SDK1: variants seen among roughly 807,000 people sequenced by gnomAD.
The protein encoded by SDK1 is protein sidekick-1.
A neutral mutation model predicts 245.5 loss-of-function variants in SDK1; 157 were observed. The ratio of observed to expected loss-of-function variants is 0.64; its 90% CI spans 0.56 to 0.73. The LOEUF (loss-of-function observed/expected upper bound fraction) is 0.73. Ranked by LOEUF, SDK1 falls within the 30% of genes least tolerant of loss-of-function variation. The pLI, the probability that SDK1 is intolerant of heterozygous loss-of-function variation, is 0.00. For missense variants in SDK1, 3,583 were observed against 3,002.3 expected (o/e 1.19, Z -4.52); for synonymous variants, 1,647 against 1,278.5 (o/e 1.29, Z -6.15).
At chr7:3,338,067 T>G (rs1780249393) in intron 1 of SDK1, 3 of 177,906 alleles carry the variant, frequency 1.7e-5, no homozygotes, top group African/African-American at 4.8e-5. Flanking sequence ...TAAGACATGC[T>G]TAAAAAGTGG....
intron 42 of SDK1, among the ~76,000 whole-genome samples, chr7:4,240,427 C>G (rs1786446652): frequency 6.6e-6 from 1 of 152,186 alleles, no homozygotes; most frequent in African/African-American, 2.4e-5. Context: ...CCATCCTCGT[C>G]TGAATTCCTT....
intron 4 of SDK1, among the ~76,000 whole-genome samples, chr7:3,671,482 A>T (rs1316595946): frequency 6.6e-6 from 1 of 152,162 alleles, no homozygotes; most frequent in East Asian, 1.9e-4. Context: ...TTTTGTTATT[A>T]TGATTCCTAA....
At chr7:4,014,869 G>A (rs1003314365) in intron 16 of SDK1, among the ~76,000 whole-genome samples, 1 of 152,102 alleles carries the variant, frequency 6.6e-6, no homozygotes, top group Admixed American at 6.5e-5. Flanking sequence ...AAAAGCACCC[G>A]GAGCCACTGG....
chr7:3,513,760 AG>A (rs1189069381), intron 1 of SDK1, among the ~76,000 whole-genome samples: 7 of 152,146 alleles, frequency 4.6e-5, no homozygotes, highest in Admixed American at 1.3e-4. Context: ...GGTGCCCAGC[AG>A]GTTTTATAAC....
In SDK1 at chr7:3,356,925, C is replaced by T. The variant is rs374536897; in HGVS notation, c.298+55041C>T. Among the ~76,000 whole-genome samples, 59 of 150,096 alleles carry T rather than the reference C, an allele frequency of 3.9e-4. 1 individual carries two copies. In the East Asian group the frequency reaches 0.011, roughly 27 times the overall value. On this transcript the variant is annotated intron_variant, in intron 1 of 44. Coordinates refer to ENST00000404826, the MANE Select transcript of SDK1 (RefSeq NM_152744.4). ...ATAAAATTAGCTGGGCATGGTGGTG[C>T]GTGCTTCTAATCCCAGCTACTCAGG...
At chr7:3,432,536 T>C (rs910746652) in intron 1 of SDK1, among the ~76,000 whole-genome samples, 1 of 152,176 alleles carries the variant, frequency 6.6e-6, no homozygotes, top group African/African-American at 2.4e-5. Context: ...TCATGTTGAA[T>C]TTAGGTAACT....
At chr7:4,121,761 A>G (rs1168985656) in intron 25 of SDK1, among the ~76,000 whole-genome samples, 2 of 152,152 alleles carry the variant, frequency 1.3e-5, no homozygotes, top group African/African-American at 4.8e-5. Flanking sequence ...AAGAGTAGGA[A>G]TTGTTCTTGC....
At chr7:3,400,534 T>C (rs1157415246) in intron 1 of SDK1, among the ~76,000 whole-genome samples, 1 of 152,132 alleles carries the variant, frequency 6.6e-6, no homozygotes, top group Non-Finnish European at 1.5e-5. Context: ...TATGTACTTA[T>C]AAATACATAA....
At chr7:3,646,352 C>G (rs868421251) in intron 4 of SDK1, among the ~76,000 whole-genome samples, 1 of 151,738 alleles carries the variant, frequency 6.6e-6, no homozygotes, top group South Asian at 2.1e-4. Context: ...AACAGTAAGT[C>G]TAATGTTTTC....
chr7:3,346,116 T>G (rs1562429360), intron 1 of SDK1, among the ~76,000 whole-genome samples: 1 of 152,246 alleles, frequency 6.6e-6, no homozygotes, highest in African/African-American at 2.4e-5. Flanking sequence ...TGCATCCTCT[T>G]CTGCTTAAAA....
intron 28 of SDK1, among the ~76,000 whole-genome samples, chr7:4,145,002 G>A (rs1379458079): frequency 6.6e-6 from 1 of 152,286 alleles, no homozygotes; most frequent in African/African-American, 2.4e-5. Context: ...CAGCGGGGGA[G>A]GCCTGGGGCG....
intron 22 of SDK1, among the ~76,000 whole-genome samples, chr7:4,097,248 G>A (rs1432358055): frequency 1.1e-5 from 1 of 92,770 alleles, no homozygotes; most frequent in African/African-American, 6.3e-5. Flanking sequence ...ACCTGGGTCA[G>A]GAAGCAGACA....
intron 1 of SDK1, among the ~76,000 whole-genome samples, chr7:3,614,019 G>T (rs1293610919): frequency 1.3e-5 from 2 of 152,098 alleles, no homozygotes; most frequent in East Asian, 3.9e-4. Context: ...GAGTAACAAT[G>T]GATACTAGGC....
chr7:4,162,998 G>A (rs1027177955), intron 32 of SDK1, among the ~76,000 whole-genome samples: 12 of 152,210 alleles, frequency 7.9e-5, no homozygotes, highest in Admixed American at 6.5e-4. Context: ...TGTGTAGCCC[G>A]GATCCGGGGC....
At chr7:4,241,392 T>G (rs1425227665) in intron 42 of SDK1, among the ~76,000 whole-genome samples, 1 of 152,176 alleles carries the variant, frequency 6.6e-6, no homozygotes, top group African/African-American at 2.4e-5. Context: ...CCCAGCACTT[T>G]GAGAGGCCGA....
intron 38 of SDK1, among the ~76,000 whole-genome samples, chr7:4,214,432 C>T (rs960436132): frequency 6.6e-6 from 1 of 152,218 alleles, no homozygotes; most frequent in Non-Finnish European, 1.5e-5. Context: ...CCAGCCTTGT[C>T]TCTTTTGTCT....
intron 38 of SDK1, among the ~76,000 whole-genome samples, chr7:4,212,790 G>A (rs1042711248): frequency 1.3e-5 from 2 of 152,384 alleles, no homozygotes; most frequent in Admixed American, 6.5e-5. Context: ...AATGAGAATT[G>A]ACTGTGAAAG....
At chr7:4,257,057 A>G (rs923115695) in intron 44 of SDK1, among the ~76,000 whole-genome samples, 3 of 152,296 alleles carry the variant, frequency 2.0e-5, no homozygotes, top group Non-Finnish European at 2.9e-5. Context: ...GTTTTATCAC[A>G]TGGCTGCTTC....
At chr7:4,009,673 A>G (rs2128148394) in intron 14 of SDK1, among the ~76,000 whole-genome samples, 1 of 152,382 alleles carries the variant, frequency 6.6e-6, no homozygotes, top group Non-Finnish European at 1.5e-5. Context: ...AAATAATTAA[A>G]AAGATCCCAT....
Sources: allele counts gnomAD v4.1 joint callset (sites outside exome capture counted in the v4.1 genomes callset), GRCh38; gene constraint gnomAD v4.1.1; transcripts MANE v1.5; gene names NCBI Gene and HGNC (gene_info 2026-07-23, HGNC 2026-07-21).